Variants in KMT2A observed in about 807,000 individuals in gnomAD.
KMT2A encodes the protein lysine methyltransferase 2A, also known as histone-lysine N-methyltransferase 2A.
KMT2A carries 16 observed loss-of-function variants against 345.3 expected under a neutral mutation model. The ratio of observed to expected loss-of-function variants is 0.05; its 90% confidence interval spans 0.03 to 0.07. KMT2A has a LOEUF of 0.07. Ranked by LOEUF, KMT2A falls within the 10% of genes least tolerant of loss-of-function variation. The pLI, the probability that KMT2A is intolerant of heterozygous loss-of-function variation, is 1.00. For missense variants in KMT2A, 3,272 were observed against 4,841.6 expected, an observed-to-expected ratio of 0.68 and a Z score of 9.62; for synonymous variants, 1,599 against 1,778.6, an observed-to-expected ratio of 0.90 and a Z score of 2.54.
intron 30 of KMT2A, among the ~76,000 whole-genome samples, chr11:118,511,331 T>C (rs1482937421): frequency 2.6e-5 from 4 of 151,986 alleles, no homozygotes; most frequent in Admixed American, 1.3e-4. Flanking sequence ...ACCCTAAAGA[T>C]TCAGGCCTGG....
intron 1 of KMT2A, 79 bp downstream of exon 1, chr11:118,437,023 G>A (rs1388214624): frequency 7.5e-7 from 1 of 1,342,154 alleles, no homozygotes; most frequent in Non-Finnish European, 9.7e-7. Flanking sequence ...CGGGATTGAG[G>A]AGCATCCCAA....
intron 11 of KMT2A, 75 bp downstream of exon 11, chr11:118,488,835 T>C (rs1950276498): frequency 7.3e-7 from 1 of 1,378,834 alleles, no homozygotes; most frequent in Admixed American, 2.1e-5. Flanking sequence ...TCAACCAACC[T>C]TGGATTGAAT....
Position 118,505,753 on chromosome 11 carries a change from C to T in KMT2A, c.9861C>T (p.Asn3287=). Residue 3287 remains asparagine (N), a synonymous_variant, in exon 27 of 36, where the codon AAC becomes AAT. Coordinates refer to ENST00000534358, the MANE Select transcript of KMT2A (RefSeq NM_001197104.2). The surrounding 1 kb of genome is among the most constrained non-coding windows in gnomAD (Gnocchi z 4.6). ...CTTCATCTCACCGAACTGTCCCCAA[C>T]ATCATAAAAAGATCTAAATCTAGCA... ...LNTSSHRTVP[N]IIKRSKSSIM... is the part of the protein sequence containing the mutation. The T allele has an allele frequency of 1.9e-6, 3 of 1,614,166 alleles. No individual in the cohort carries two copies. The South Asian group carries it at 3.3e-5, about 18-fold the overall frequency.
chr11:118,482,303 G>C (rs1456399103), intron 7 of KMT2A, 119 bp from the exon 8 acceptor site: 7 of 905,438 alleles, frequency 7.7e-6, no homozygotes, highest in Non-Finnish European at 1.1e-5. Context: ...TTTCCTGTTC[G>C]AAGCCTAGAG....
chr11:118,491,931 A>G lies in KMT2A; in HGVS notation c.5004+3A>G. 6.2e-7 allele frequency: 1 copy of G among 1,609,118 alleles called. No homozygotes were observed. On this transcript the variant is annotated splice_donor_region_variant and intron_variant, in intron 15 of 35. Transcript: ENST00000534358. The surrounding 1 kb of genome is among the most constrained non-coding windows in gnomAD (Gnocchi z 4.2). ...GCCATTTGCTACGCTACCGGCAGGTAGGCCAAGTCTCATTTTTTTCTGAGA... is the reference window on the plus strand; with the variant it reads ...GCCATTTGCTACGCTACCGGCAGGTGGGCCAAGTCTCATTTTTTTCTGAGA...
Position 118,484,738 on chromosome 11 carries a change from G to T in KMT2A, c.4219-124G>T. 1.4e-6 allele frequency: 1 copy of T among 696,168 alleles called. No homozygotes were observed. The highest frequency in any genetic ancestry group is 2.6e-6 in the Non-Finnish European group (1 of 391,068). 43.1% of individuals were successfully genotyped at this position (696,168 alleles called of 1,614,324 possible). A position where few individuals can be genotyped will look rare whatever the true frequency, so the allele number is the denominator to read the frequency against. On this transcript the variant is annotated intron_variant, in intron 9 of 35. Transcript: ENST00000534358. This position sits in a 1 kb window ranked among gnomAD's most constrained non-coding sequence, Gnocchi z 4.1. ...CTTTTTAAAGCAGCAGTTATTTTTG[G>T]ACTCATTGAAATGAAATACTCTGAC... is the stretch of plus-strand genomic sequence containing the variant.
intron 4 of KMT2A, 27 bp downstream of exon 4, chr11:118,477,009 T>C: frequency 6.2e-7 from 1 of 1,610,590 alleles, no homozygotes. Flanking sequence ...AATCTTGGAG[T>C]CGGAACAGAC....
intron 1 of KMT2A, among the ~76,000 whole-genome samples, chr11:118,439,411 A>G (rs1555139631): frequency 1.3e-5 from 2 of 152,230 alleles, no homozygotes; most frequent in African/African-American, 2.4e-5. Flanking sequence ...CACATATTCA[A>G]AAGCAAAGTT....
rs1950987481 is a variant in KMT2A at position 118,522,303 on chromosome 11, C to A, written c.*131C>A. The A allele has an allele frequency of 2.5e-6, 2 of 806,812 alleles. No homozygotes were observed. Among genetic ancestry groups the A allele is most frequent in the Non-Finnish European group, 4.0e-6 (2 of 503,092 alleles). 50.0% of individuals were successfully genotyped at this position (806,812 alleles called of 1,614,324 possible). On this transcript the variant is annotated 3_prime_UTR_variant, in exon 36 of 36. Coordinates refer to ENST00000534358, the MANE Select transcript of KMT2A (RefSeq NM_001197104.2). The surrounding 1 kb of genome is among the most constrained non-coding windows in gnomAD (Gnocchi z 5.4). Reference sequence around the variant, plus strand: ...CTGAGGGGCCTCTGTGATGGCTGAGCTCTCTTATGTCCTATACTCACATCA... The same window carrying A: ...CTGAGGGGCCTCTGTGATGGCTGAGATCTCTTATGTCCTATACTCACATCA...
rs2134403557 is a variant in KMT2A, at chr11:118,505,066, C to A, written c.9174C>A (p.Gly3058=). The A allele has an allele frequency of 1.2e-6, 2 of 1,614,142 alleles. No individual in the cohort carries two copies. Among genetic ancestry groups the A allele is most frequent in the Non-Finnish European group, 1.7e-6 (2 of 1,180,024 alleles). Residue 3058 remains glycine, a synonymous_variant, in exon 27 of 36, where the codon GGC becomes GGA. Coordinates refer to ENST00000534358, the MANE Select transcript of KMT2A (RefSeq NM_001197104.2). This position sits in a 1 kb window ranked among gnomAD's most constrained non-coding sequence, Gnocchi z 4.6. ...KYVPNSTDSP[G]PSQISNAAVQ... is the part of the protein sequence containing the mutation. Reference sequence around the variant, plus strand: ...TGCCCAATTCTACTGATAGTCCTGGCCCGTCTCAGATTTCCAATGCAGCTG... The same window carrying A: ...TGCCCAATTCTACTGATAGTCCTGGACCGTCTCAGATTTCCAATGCAGCTG...
At chr11:118,519,230 G>A (rs1950902466) in intron 31 of KMT2A, among the ~76,000 whole-genome samples, 1 of 152,016 alleles carries the variant, frequency 6.6e-6, no homozygotes, top group Admixed American at 6.5e-5. Context: ...GTAGCCTTGG[G>A]AGTGTTACAT....
chr11:118,489,610 C>A (rs192437990), intron 11 of KMT2A, among the ~76,000 whole-genome samples, 182 bp from the exon 12 acceptor site: 3 of 152,136 alleles, frequency 2.0e-5, no homozygotes, highest in African/African-American at 7.2e-5. Flanking sequence ...CACTGAGTGC[C>A]TTTGGCAGGA....
Position 118,519,683 on chromosome 11 carries a change from T to G in KMT2A, c.11212T>G (p.Ser3738Ala), listed in dbSNP as rs1555052828. The G allele has an allele frequency of 6.2e-7, 1 of 1,614,180 alleles. No individual in the cohort carries two copies. The highest frequency in any genetic ancestry group is 1.1e-5 in the South Asian group (1 of 91,088). Reference sequence around the variant, plus strand: ...AGTTGTGTTCCTCATTGAGCAGCTGTCTGGTGCCAAGCACTGTCGAAATTA... The same window carrying G: ...AGTTGTGTTCCTCATTGAGCAGCTGGCTGGTGCCAAGCACTGTCGAAATTA... ...DAVVFLIEQL[S>A]GAKHCRNYKF... Residue 3738 changes from serine (S) to alanine (A), a missense_variant, in exon 32 of 36, where the codon TCT becomes GCT. This residue lies in a region of KMT2A where 72 missense variants were observed against 135.6 expected (regional missense o/e 0.53). Transcript: ENST00000534358.
chr11:118,491,364 C>G lies in KMT2A; in HGVS notation c.4819+46C>G. On this transcript the variant is annotated intron_variant, in intron 14 of 35. Transcript: ENST00000534358. The surrounding 1 kb of genome is among the most constrained non-coding windows in gnomAD (Gnocchi z 4.2). ...GTTTTCTTCTTTCTAGGTACTACTACATTTATTAGCCTCTAGAGCACTTTA... is the reference window on the plus strand; with the variant it reads ...GTTTTCTTCTTTCTAGGTACTACTAGATTTATTAGCCTCTAGAGCACTTTA... 1.9e-6 allele frequency: 3 copies of G among 1,579,508 alleles called. No homozygotes were observed.
intron 1 of KMT2A, chr11:118,458,047 C>A: frequency 3.7e-6 from 1 of 270,650 alleles, no homozygotes. Context: ...GGGCATTCTC[C>A]CTATGCATTT....
chr11:118,503,333 C>G lies in KMT2A; in HGVS notation c.7441C>G (p.Pro2481Ala). ...VLTPEYMGQRPCNNVSSDKIG... is the reference protein window; with the variant it reads ...VLTPEYMGQRACNNVSSDKIG... ...GACTCCTGAGTATATGGGCCAACGA[C>G]CATGTAACAATGTTTCTTCTGATAA... Residue 2481 changes from proline to alanine, a missense_variant, in exon 27 of 36, where the codon CCA (proline) becomes GCA (alanine). By Grantham distance (27) the Pro-to-Ala change is conservative. Transcript: ENST00000534358. The surrounding 1 kb of genome is among the most constrained non-coding windows in gnomAD (Gnocchi z 5.3). 6.2e-7 allele frequency: 1 copy of G among 1,614,048 alleles called. No individual in the cohort carries two copies. Among genetic ancestry groups the G allele is most frequent in the Non-Finnish European group, 8.5e-7 (1 of 1,179,984 alleles).
chr11:118,494,435 C>G lies in KMT2A; in HGVS notation c.5289+37C>G, dbSNP rs1555043373. 1 of 1,114,982 alleles carries G rather than the reference C, an allele frequency of 9.0e-7. No individual in the cohort carries two copies. Among genetic ancestry groups the G allele is most frequent in the Non-Finnish European group, 1.4e-6 (1 of 731,646 alleles). The allele number at this position is 1,114,982 out of a possible 1,614,324, so 69.1% of individuals were successfully genotyped here. A position where few individuals can be genotyped will look rare whatever the true frequency, so the allele number is the denominator to read the frequency against. ...TACTAATTCATGTTTTTAATGCTTA[C>G]CTATAAGTAATTACCCTGTGAATAC... is the stretch of plus-strand genomic sequence containing the variant. On this transcript the variant is annotated intron_variant, in intron 17 of 35. Coordinates refer to ENST00000534358, the MANE Select transcript of KMT2A (RefSeq NM_001197104.2). This position sits in a 1 kb window ranked among gnomAD's most constrained non-coding sequence, Gnocchi z 5.8.
intron 1 of KMT2A, among the ~76,000 whole-genome samples, chr11:118,438,420 G>A (rs893920880): frequency 1.3e-5 from 2 of 149,074 alleles, no homozygotes; most frequent in African/African-American, 4.9e-5. Flanking sequence ...GATGCAGAAG[G>A]GGGGAGTTCG....
At chr11:118,487,600 C>T (rs1555041213) in intron 10 of KMT2A, among the ~76,000 whole-genome samples, 1 of 152,098 alleles carries the variant, frequency 6.6e-6, no homozygotes, top group Non-Finnish European at 1.5e-5. Flanking sequence ...CCTGTAGATA[C>T]ACATGTATCT....
Sources: gnomAD v4.1 joint callset for allele counts (sites outside exome capture counted in the v4.1 genomes callset) on GRCh38, gnomAD v4.1.1 for gene constraint, gnomAD v4.1.1 regional missense constraint, Gnocchi (gnomAD v3.1) non-coding constraint, MANE v1.5 for transcripts, NCBI Gene and HGNC (gene_info 2026-07-23, HGNC 2026-07-21) for gene names.